BRD10: variants seen among roughly 807,000 people sequenced by gnomAD.
BRD10 encodes the protein uncharacterized bromodomain-containing protein 10.
At chr9:5,926,107 G>A in the BRD10 span, among the ~76,000 whole-genome samples, 8 of 151,728 alleles carry the variant, frequency 5.3e-5, no homozygotes, top group South Asian at 6.2e-4. Flanking sequence ...TAGTAGAGAC[G>A]GGGTTTCACC....
the BRD10 span, among the ~76,000 whole-genome samples, chr9:5,978,596 C>G: frequency 6.6e-6 from 1 of 152,078 alleles, no homozygotes; most frequent in Non-Finnish European, 1.5e-5. Flanking sequence ...CTCTGGCTAG[C>G]TGAAGCAGAA....
At chr9:5,923,176 C>A in the BRD10 span, 11 of 1,613,998 alleles carry the variant, frequency 6.8e-6, no homozygotes, top group Non-Finnish European at 8.5e-6. Flanking sequence ...TGCTGTCATC[C>A]ACATAATCAG....
chr9:5,922,291 A>C, the BRD10 span: 1 of 1,613,976 alleles, frequency 6.2e-7, no homozygotes, highest in South Asian at 1.1e-5. Context: ...TTGATGACAG[A>C]GGCTGACCTG....
the BRD10 span, among the ~76,000 whole-genome samples, chr9:5,912,647 A>T: frequency 6.6e-6 from 1 of 152,184 alleles, no homozygotes; most frequent in Non-Finnish European, 1.5e-5. Flanking sequence ...CTTTGTAGAT[A>T]GATAGGATGA....
the BRD10 span, among the ~76,000 whole-genome samples, chr9:5,913,068 A>G: frequency 1.3e-5 from 2 of 152,158 alleles, no homozygotes; most frequent in Admixed American, 6.5e-5. Flanking sequence ...AGATTCTGAT[A>G]TGGTCTCTCT....
At chr9:5,964,498 C>T in the BRD10 span, among the ~76,000 whole-genome samples, 59 of 143,544 alleles carry the variant, frequency 4.1e-4, no homozygotes, top group African/African-American at 1.4e-3. Context: ...GTCAGTGTGG[C>T]GATTCCTCAG....
At chr9:5,897,768 T>C in the BRD10 span, 1 of 916,590 alleles carries the variant, frequency 1.1e-6, no homozygotes. Context: ...TCAGCTCTGA[T>C]TCCGGCTTCT....
At chr9:5,950,544 T>A in the BRD10 span, among the ~76,000 whole-genome samples, 1 of 152,198 alleles carries the variant, frequency 6.6e-6, no homozygotes, top group Non-Finnish European at 1.5e-5. Context: ...TGCAGATTAC[T>A]GGTACCCACT....
the BRD10 span, among the ~76,000 whole-genome samples, chr9:5,879,355 C>T: frequency 6.6e-6 from 1 of 150,748 alleles, no homozygotes; most frequent in Non-Finnish European, 1.5e-5. Flanking sequence ...GGAAGGGCAA[C>T]AGAGCAAGAC....
chr9:5,999,255 A>T, the BRD10 span, among the ~76,000 whole-genome samples: 1 of 152,076 alleles, frequency 6.6e-6, no homozygotes. Context: ...ACTAAGTCTG[A>T]CAAATTATTT....
the BRD10 span, among the ~76,000 whole-genome samples, chr9:5,917,790 T>G: frequency 1.3e-5 from 2 of 152,050 alleles, no homozygotes; most frequent in African/African-American, 4.8e-5. Flanking sequence ...GAGGCAGAGG[T>G]TGCAGTGAGC....
At chr9:5,969,046 T>C in the BRD10 span, 1 of 1,612,670 alleles carries the variant, frequency 6.2e-7, no homozygotes, top group Non-Finnish European at 8.5e-7. Flanking sequence ...ACCCCAGTTT[T>C]TCAGCACAGT....
the BRD10 span, among the ~76,000 whole-genome samples, chr9:5,930,103 G>A: frequency 1.4e-5 from 2 of 147,862 alleles, no homozygotes; most frequent in African/African-American, 2.5e-5. Context: ...ATCACCTACT[G>A]TTACATAATC....
the BRD10 span, among the ~76,000 whole-genome samples, chr9:5,941,438 C>A: frequency 6.6e-6 from 1 of 152,164 alleles, no homozygotes; most frequent in Non-Finnish European, 1.5e-5. Context: ...TGTCAAACTA[C>A]ATATTTATCT....
At chr9:5,899,824 T>C in the BRD10 span, among the ~76,000 whole-genome samples, 1 of 152,210 alleles carries the variant, frequency 6.6e-6, no homozygotes, top group Non-Finnish European at 1.5e-5. Context: ...TGGCACATGG[T>C]AGTCACTCAA....
chr9:5,922,373 G>T, the BRD10 span: 1 of 1,613,942 alleles, frequency 6.2e-7, no homozygotes, highest in Non-Finnish European at 8.5e-7. Flanking sequence ...GGCTTTTCCT[G>T]CCTCACTCTG....
the BRD10 span, chr9:5,922,386 T>A: frequency 6.2e-7 from 1 of 1,614,034 alleles, no homozygotes. Context: ...TCACTCTGGC[T>A]AGTCTTAACT....
At chr9:5,921,360 G>T in the BRD10 span, 7 of 1,613,858 alleles carry the variant, frequency 4.3e-6, no homozygotes, top group Non-Finnish European at 5.9e-6. Context: ...ACTATTTGGG[G>T]TTGCTCTGGA....
the BRD10 span, among the ~76,000 whole-genome samples, chr9:5,907,496 T>C: frequency 6.6e-6 from 1 of 152,238 alleles, no homozygotes; most frequent in Non-Finnish European, 1.5e-5. Flanking sequence ...ATACATATCA[T>C]ATTTCAAAAA....
Sources: gnomAD v4.1 joint callset for allele counts (sites outside exome capture counted in the v4.1 genomes callset) on GRCh38, gnomAD v4.1.1 for gene constraint, MANE v1.5 for transcripts, NCBI Gene and HGNC (gene_info 2026-07-23, HGNC 2026-07-21) for gene names.